The following ANKRD30A variants were observed in gnomAD, a reference collection of about 807,000 sequenced individuals.
ANKRD30A encodes the protein ankyrin repeat domain 30A.
A neutral mutation model predicts 166.3 loss-of-function variants in ANKRD30A; 170 were observed. That is an observed-to-expected ratio of 1.02 (90% CI 0.90 to 1.16). ANKRD30A has a LOEUF of 1.16. Ranked by LOEUF, ANKRD30A falls within the 50% of genes most tolerant of loss-of-function variation. ANKRD30A has a pLI of 0.00. For missense variants in ANKRD30A, 1,630 were observed against 1,518.0 expected (o/e 1.07, Z -1.23); for synonymous variants, 564 against 508.9 (o/e 1.11, Z -1.46).
chr10:37,193,801 C>T (rs1840807439), intron 27 of ANKRD30A, among the ~76,000 whole-genome samples: 1 of 152,108 alleles, frequency 6.6e-6, no homozygotes, highest in East Asian at 1.9e-4. Context: ...GACCCCAAAG[C>T]ATTTGGCCTT....
Position 37,217,855 on chromosome 10 carries a change from A to G in ANKRD30A, c.3244A>G (p.Ser1082Gly). 1 of 1,555,586 alleles carries G rather than the reference A, an allele frequency of 6.4e-7. No individual in the cohort carries two copies. Among genetic ancestry groups the G allele is most frequent in the Non-Finnish European group, 8.6e-7 (1 of 1,158,188 alleles). ...CAGAATACAAGATATAGAATTGAAG[A>G]GTGTAGAAAGTAATTTGAATCAGGT... ...ALRIQDIELK[S>G]VESNLNQVSH... Residue 1082 changes from serine (S) to glycine (G), a missense_variant, in exon 33 of 36, where the codon AGT becomes GGT. Transcript: ENST00000361713.
Position 37,141,929 on chromosome 10 carries a change from A to G in ANKRD30A, c.1032A>G (p.Lys344=). 1.2e-6 allele frequency: 2 copies of G among 1,614,240 alleles called. No individual in the cohort carries two copies. The highest frequency in any genetic ancestry group is 1.7e-5 in the Admixed American group (1 of 60,026). ...GTSDKIQCLE[K]ATSGKFEQSA... Reference sequence around the variant, plus strand: ...CTGACAAAATTCAATGTTTGGAGAAAGCGACATCTGGAAAGTTCGAACAGT... The same window carrying G: ...CTGACAAAATTCAATGTTTGGAGAAGGCGACATCTGGAAAGTTCGAACAGT... The change falls in exon 7 of 36, where the codon AAA becomes AAG. Residue 344 remains lysine, a synonymous_variant. Coordinates refer to ENST00000361713, the MANE Select transcript of ANKRD30A (RefSeq NM_052997.3).
intron 6 of ANKRD30A, among the ~76,000 whole-genome samples, chr10:37,137,242 G>T (rs758574728): frequency 6.6e-6 from 1 of 152,174 alleles, no homozygotes; most frequent in Non-Finnish European, 1.5e-5. Context: ...ATTAATAACA[G>T]AAGCCAAGAT....
At chr10:37,146,853 G>A (rs774550001) in intron 8 of ANKRD30A, among the ~76,000 whole-genome samples, 1 of 152,086 alleles carries the variant, frequency 6.6e-6, no homozygotes, top group African/African-American at 2.4e-5. Flanking sequence ...ACTTTAATTT[G>A]TTTAACTAAA....
chr10:37,153,984 A>G (rs1838166113), intron 13 of ANKRD30A, among the ~76,000 whole-genome samples: 1 of 152,198 alleles, frequency 6.6e-6, no homozygotes, highest in African/African-American at 2.4e-5. Flanking sequence ...ACATGAAGGA[A>G]CAAGAAGCAG....
intron 15 of ANKRD30A, among the ~76,000 whole-genome samples, chr10:37,159,587 AT>A (rs767867545): frequency 2.3e-4 from 35 of 152,184 alleles, no homozygotes; most frequent in Non-Finnish European, 4.4e-4. Flanking sequence ...ATTTGTTTTC[AT>A]GTCTTATACG....
At chr10:37,166,103 T>G (rs1839311553) in intron 18 of ANKRD30A, among the ~76,000 whole-genome samples, 1 of 152,178 alleles carries the variant, frequency 6.6e-6, no homozygotes, top group African/African-American at 2.4e-5. Context: ...AGCAGCTTTT[T>G]CAAATTCTGT....
At chr10:37,217,592 G>C in intron 32 of ANKRD30A, 103 bp from the exon 33 acceptor site, 5 of 932,598 alleles carry the variant, frequency 5.4e-6, no homozygotes, top group Non-Finnish European at 5.9e-6. Context: ...CAAGAATATA[G>C]GAATTTTATT....
chr10:37,201,128 G>A (rs1436091690), intron 30 of ANKRD30A, 107 bp from the exon 31 acceptor site: 15 of 869,182 alleles, frequency 1.7e-5, no homozygotes, highest in Admixed American at 3.5e-5. Flanking sequence ...TGAATTGCTT[G>A]CAAAATAGGA....
chr10:37,194,613 G>A (rs962486193), intron 27 of ANKRD30A, among the ~76,000 whole-genome samples: 3 of 152,188 alleles, frequency 2.0e-5, no homozygotes, highest in Admixed American at 2.0e-4. Flanking sequence ...CCAAAGTACT[G>A]GAATTACAGG....
At position 37,130,366 on chromosome 10, in the gene ANKRD30A, A is replaced by C; in HGVS notation, c.498A>C (p.Glu166Asp). 1 of 1,514,054 alleles carries C rather than the reference A, an allele frequency of 6.6e-7. No homozygotes were observed. Among genetic ancestry groups the C allele is most frequent in the Non-Finnish European group, 8.9e-7 (1 of 1,129,006 alleles). 93.8% of individuals were successfully genotyped at this position (1,514,054 alleles called of 1,614,324 possible). ...AKLLSHGAVI[E>D]VHNKASLTPL... ...TGCTGTCCCATGGTGCAGTCATCGA[A>C]GTGCACAACAAGGTAGACACTAACC... Residue 166 changes from glutamate (E) to aspartate (D), a missense_variant, in exon 3 of 36, where the codon GAA (glutamate) becomes GAC (aspartate). Physicochemically the swap from Glu to Asp is conservative, Grantham distance 45 (BLOSUM62 2). This residue lies in a region of ANKRD30A where 904 missense variants were observed against 818.5 expected (regional missense o/e 1.10). Transcript: ENST00000361713.
At chr10:37,194,070 C>T (rs1840842584) in intron 27 of ANKRD30A, among the ~76,000 whole-genome samples, 1 of 151,986 alleles carries the variant, frequency 6.6e-6, no homozygotes. Context: ...GTGGTGGGTG[C>T]CTGTCATCTC....
rs181997664 is a variant in ANKRD30A at position 37,194,644 on chromosome 10, C to T, written c.2614+1386C>T. Among the ~76,000 whole-genome samples, 197 of 152,204 alleles carry T rather than the reference C, an allele frequency of 1.3e-3. 2 individuals carry two copies. In the East Asian group the frequency reaches 0.016, roughly 12 times the overall value. Reference sequence around the variant, plus strand: ...ACAGGCGTGAGGCACCGTGCCCGGCCGATGTCTGAAATTTTCAATAAATAG... The same window carrying T: ...ACAGGCGTGAGGCACCGTGCCCGGCTGATGTCTGAAATTTTCAATAAATAG... On this transcript the variant is annotated intron_variant, in intron 27 of 35. Transcript: ENST00000361713.
chr10:37,205,303 C>T (rs1314887513), intron 31 of ANKRD30A, among the ~76,000 whole-genome samples: 1 of 152,096 alleles, frequency 6.6e-6, no homozygotes, highest in Non-Finnish European at 1.5e-5. Flanking sequence ...TTTGTAGGGA[C>T]ATGGATGAAG....
intron 9 of ANKRD30A, among the ~76,000 whole-genome samples, chr10:37,147,757 A>G (rs1476732472): frequency 6.6e-6 from 1 of 152,150 alleles, no homozygotes; most frequent in Admixed American, 6.5e-5. Flanking sequence ...AGGCAGAGAG[A>G]GTACAGGGAG....
intron 19 of ANKRD30A, among the ~76,000 whole-genome samples, chr10:37,167,149 C>G (rs1269967371): frequency 6.6e-6 from 1 of 151,668 alleles, no homozygotes. Context: ...AGTGAGCTCA[C>G]TTCGGAAGCA....
Position 37,183,408 on chromosome 10 carries a change from C to A in ANKRD30A, c.2422-6059C>A, listed in dbSNP as rs1405873181. Among the ~76,000 whole-genome samples, 21 of 146,184 alleles carry A rather than the reference C, an allele frequency of 1.4e-4. 1 individual carries two copies. Among genetic ancestry groups the A allele is most frequent in the African/African-American group, 4.7e-4 (19 of 40,314 alleles). ...GATCAGAAGCTAGAACAAGAATTTT[C>A]AAAAATGCATAAGGTTTTAAAGTGC... On this transcript the variant is annotated intron_variant, in intron 24 of 35. Transcript: ENST00000361713.
downstream of ANKRD30A, among the ~76,000 whole-genome samples, chr10:37,236,300 A>C (rs1843673031): frequency 6.6e-6 from 1 of 152,156 alleles, no homozygotes; most frequent in Non-Finnish European, 1.5e-5. Context: ...GACTCATGAC[A>C]ACTAATGGGA....
intron 13 of ANKRD30A, 132 bp downstream of exon 13, chr10:37,153,794 G>C (rs922638937): frequency 1.6e-6 from 2 of 1,274,058 alleles, no homozygotes; most frequent in East Asian, 5.0e-5. Context: ...AAGTGCAATG[G>C]TCGTAAGTTG....
Sources: gnomAD v4.1 joint callset for allele counts (sites outside exome capture counted in the v4.1 genomes callset) on GRCh38, gnomAD v4.1.1 for gene constraint, gnomAD v4.1.1 regional missense constraint, MANE v1.5 for transcripts, NCBI Gene and HGNC (gene_info 2026-07-23, HGNC 2026-07-21) for gene names.